CADM2: variants seen among roughly 807,000 people sequenced by gnomAD.
CADM2 encodes cell adhesion molecule 2.
In CADM2, 12 loss-of-function variants were observed where a neutral mutation model predicts 49.8. The ratio of observed to expected loss-of-function variants is 0.24; its 90% confidence interval spans 0.15 to 0.39. The LOEUF (loss-of-function observed/expected upper bound fraction) is 0.39. Ranked by LOEUF, CADM2 falls within the 10% of genes least tolerant of loss-of-function variation. The probability of loss-of-function intolerance (pLI) is 1.00; values close to 1 mark genes in which losing one functional copy is unlikely to be tolerated. For missense variants in CADM2, 378 were observed against 492.3 expected (o/e 0.77, Z 2.20); for synonymous variants, 214 against 175.4 (o/e 1.22, Z -1.74).
At chr3:85,175,991 G>A (rs908120075) in intron 1 of CADM2, among the ~76,000 whole-genome samples, 1 of 146,064 alleles carries the variant, frequency 6.8e-6, no homozygotes. Context: ...TGCAGTGGCG[G>A]GATCTCGGCT....
chr3:85,549,567 A>G (rs1031987791), intron 1 of CADM2, among the ~76,000 whole-genome samples: 1 of 152,146 alleles, frequency 6.6e-6, no homozygotes, highest in Non-Finnish European at 1.5e-5. Flanking sequence ...GGAAACACAA[A>G]TGGCTAATCA....
At chr3:85,613,027 G>A (rs1402884413) in intron 1 of CADM2, among the ~76,000 whole-genome samples, 2 of 151,666 alleles carry the variant, frequency 1.3e-5, no homozygotes, top group Admixed American at 6.6e-5. Context: ...GATTTCACAG[G>A]TTGGTTGTGG....
intron 1 of CADM2, among the ~76,000 whole-genome samples, chr3:85,208,942 C>T (rs776652731): frequency 6.6e-6 from 1 of 152,042 alleles, no homozygotes; most frequent in Non-Finnish European, 1.5e-5. Context: ...ACCTCCTAAA[C>T]CTGTGCTACA....
intron 1 of CADM2, among the ~76,000 whole-genome samples, chr3:85,570,888 T>C (rs1292642570): frequency 6.6e-6 from 1 of 152,210 alleles, no homozygotes; most frequent in Non-Finnish European, 1.5e-5. Flanking sequence ...TGGAGTGCTA[T>C]TGAAAAGTAA....
chr3:85,857,708 A>G (rs147287552), intron 3 of CADM2, among the ~76,000 whole-genome samples: 34 of 152,274 alleles, frequency 2.2e-4, no homozygotes, highest in Non-Finnish European at 1.8e-4. Context: ...TTCTTATAAT[A>G]GCTGTTTCCA....
In CADM2 at chr3:85,525,230, G is replaced by A. The variant is rs190449553; in HGVS notation, c.62-201292G>A. ...GATTTACAGAAAAAATTCAAAGATT[G>A]AATGGAGAATCCTCATGTATTCAGC... On this transcript the variant is annotated intron_variant, in intron 1 of 9. Transcript: ENST00000383699. Among the ~76,000 whole-genome samples the A allele has an allele frequency of 6.3e-3, 953 of 152,268 alleles. 8 individuals carry two copies. The highest frequency in any genetic ancestry group is 9.9e-3 in the Non-Finnish European group (674 of 68,012).
chr3:85,109,641 T>C (rs1045704705), intron 1 of CADM2, among the ~76,000 whole-genome samples: 1 of 151,934 alleles, frequency 6.6e-6, no homozygotes, highest in Non-Finnish European at 1.5e-5. Flanking sequence ...GAGAAAAGGA[T>C]GGTATCACAT....
intron 1 of CADM2, among the ~76,000 whole-genome samples, chr3:85,687,791 G>C (rs150505930): frequency 2.6e-5 from 4 of 152,074 alleles, no homozygotes; most frequent in African/African-American, 7.2e-5. Flanking sequence ...TAGAGCAAGG[G>C]TCCCCACACT....
chr3:85,519,204 G>C (rs2060973726), intron 1 of CADM2, among the ~76,000 whole-genome samples: 2 of 152,154 alleles, frequency 1.3e-5, no homozygotes, highest in South Asian at 4.1e-4. Context: ...GATGGCAGTA[G>C]GGAGGTAGTA....
intron 1 of CADM2, among the ~76,000 whole-genome samples, chr3:85,009,144 G>A (rs988505084): frequency 6.6e-6 from 1 of 152,146 alleles, no homozygotes; most frequent in Non-Finnish European, 1.5e-5. Flanking sequence ...AGAATGAATG[G>A]ACCTAAACTT....
intron 1 of CADM2, among the ~76,000 whole-genome samples, chr3:85,177,113 A>T (rs1417984935): frequency 6.6e-6 from 1 of 152,196 alleles, no homozygotes; most frequent in Non-Finnish European, 1.5e-5. Flanking sequence ...TCTTTAATAT[A>T]ACATGAATAT....
intron 1 of CADM2, among the ~76,000 whole-genome samples, chr3:85,137,062 A>T (rs1427614424): frequency 6.6e-6 from 1 of 151,976 alleles, no homozygotes; most frequent in African/African-American, 2.4e-5. Context: ...ATCATAATAC[A>T]AAAGCATAAA....
chr3:85,386,117 G>A (rs990549612), intron 1 of CADM2, among the ~76,000 whole-genome samples: 19 of 152,012 alleles, frequency 1.2e-4, no homozygotes, highest in African/African-American at 9.7e-5. Flanking sequence ...CCTTGCCATC[G>A]TACTCACTAG....
At position 86,014,947 on chromosome 3, in the gene CADM2, T is replaced by A. The variant is rs1732024206; in HGVS notation, c.971-50658T>A. The A allele has an allele frequency of 3.4e-6, 5 of 1,452,092 alleles. No individual in the cohort carries two copies. In the Middle Eastern group the frequency reaches 7.3e-4, roughly 212 times the overall value. The allele number at this position is 1,452,092 out of a possible 1,614,324, so 90.0% of individuals were successfully genotyped here. A position where few individuals can be genotyped will look rare whatever the true frequency, so the allele number is the denominator to read the frequency against. On this transcript the variant is annotated intron_variant, in intron 8 of 9. Transcript: ENST00000383699. ...TGGTATGAAAATGGACGAAAGCGTCTTAAAGCATATTTAAGGAACACTTTG... is the reference window on the plus strand; with the variant it reads ...TGGTATGAAAATGGACGAAAGCGTCATAAAGCATATTTAAGGAACACTTTG...
intron 1 of CADM2, among the ~76,000 whole-genome samples, chr3:85,561,542 T>C (rs1286615930): frequency 6.6e-6 from 1 of 152,202 alleles, no homozygotes; most frequent in Non-Finnish European, 1.5e-5. Context: ...ATAATTTCTA[T>C]TTCTTAGGGG....
chr3:85,233,860 T>C (rs2042354593), intron 1 of CADM2, among the ~76,000 whole-genome samples: 1 of 152,090 alleles, frequency 6.6e-6, no homozygotes, highest in Non-Finnish European at 1.5e-5. Context: ...TAGTTCAAAG[T>C]ATTGATTCAT....
chr3:85,793,568 A>G (rs1380705696), intron 2 of CADM2, among the ~76,000 whole-genome samples: 1 of 152,180 alleles, frequency 6.6e-6, no homozygotes, highest in Non-Finnish European at 1.5e-5. Context: ...CAACTTCCCT[A>G]GTTAAAATAC....
intron 1 of CADM2, among the ~76,000 whole-genome samples, chr3:85,705,295 T>A (rs2066910068): frequency 6.6e-6 from 1 of 151,704 alleles, no homozygotes; most frequent in Non-Finnish European, 1.5e-5. Context: ...CTCTCCCAAG[T>A]GCTTTATGTA....
At chr3:85,387,506 T>G (rs2034296285) in intron 1 of CADM2, among the ~76,000 whole-genome samples, 1 of 152,120 alleles carries the variant, frequency 6.6e-6, no homozygotes. Context: ...TAGATAGGTC[T>G]TTTTTTAAAA....
Sources: gnomAD v4.1 joint callset for allele counts (sites outside exome capture counted in the v4.1 genomes callset) on GRCh38, gnomAD v4.1.1 for gene constraint, MANE v1.5 for transcripts, NCBI Gene and HGNC (gene_info 2026-07-23, HGNC 2026-07-21) for gene names.